Variants in KIF16B observed in about 807,000 individuals in gnomAD.
The protein encoded by KIF16B is kinesin-like protein KIF16B.
A neutral mutation model predicts 156.3 loss-of-function variants in KIF16B; 98 were observed. The observed-to-expected ratio is 0.63, with a 90% CI of 0.53 to 0.74. The LOEUF (loss-of-function observed/expected upper bound fraction) is 0.74, where lower values mean the gene tolerates loss of function less well. Among genes scored for constraint, KIF16B ranks in the 30% least tolerant of loss-of-function variants. The probability of loss-of-function intolerance (pLI) is 0.00; values close to 1 mark genes in which losing one functional copy is unlikely to be tolerated. For synonymous variants in KIF16B, 564 were observed against 583.7 expected, an observed-to-expected ratio of 0.97 and a Z score of 0.49; for missense variants, 1,421 against 1,606.5, an observed-to-expected ratio of 0.88 and a Z score of 1.97.
At chr20:16,372,522 T>C (rs1052701882) in intron 20 of KIF16B, among the ~76,000 whole-genome samples, 1 of 152,224 alleles carries the variant, frequency 6.6e-6, no homozygotes, top group Non-Finnish European at 1.5e-5. Flanking sequence ...TCAGTGGATT[T>C]TGGTCTAATC....
rs370418766 is a variant in KIF16B, at chr20:16,429,932, A to G, written c.1353T>C (p.Ser451=). Reference sequence around the variant, plus strand: ...CGATGCCAATCAAATGAGGCAGTTCAGAATCCAAAACAACTCCAATCCCTT... The same window carrying G: ...CGATGCCAATCAAATGAGGCAGTTCGGAATCCAAAACAACTCCAATCCCTT... ...RKEGIGVVLD[S]ELPHLIGIDD... is the part of the protein sequence containing the mutation. The change falls in exon 13 of 26, where the codon TCT becomes TCC. Residue 451 remains serine, a synonymous_variant. Transcript: ENST00000354981. 1 of 1,613,042 alleles carries G rather than the reference A, an allele frequency of 6.2e-7. No homozygotes were observed. Among genetic ancestry groups the G allele is most frequent in the Non-Finnish European group, 8.5e-7 (1 of 1,179,410 alleles).
At chr20:16,568,457 CA>C (rs1429120375) in intron 1 of KIF16B, among the ~76,000 whole-genome samples, 1 of 152,114 alleles carries the variant, frequency 6.6e-6, no homozygotes, top group Non-Finnish European at 1.5e-5. Context: ...TGCTGAATGC[CA>C]GGCTCTGTGT....
At chr20:16,468,152 T>C (rs949885125) in intron 12 of KIF16B, among the ~76,000 whole-genome samples, 1 of 152,064 alleles carries the variant, frequency 6.6e-6, no homozygotes, top group African/African-American at 2.4e-5. Context: ...TAAAAACAAA[T>C]TATGACTGAA....
chr20:16,562,732 A>C (rs1466910136), intron 1 of KIF16B, among the ~76,000 whole-genome samples: 2 of 152,352 alleles, frequency 1.3e-5, no homozygotes, highest in South Asian at 4.1e-4. Flanking sequence ...ATTCACACAT[A>C]CACACACGTA....
At chr20:16,340,929 T>A (rs1049084195) in intron 23 of KIF16B, among the ~76,000 whole-genome samples, 1 of 152,142 alleles carries the variant, frequency 6.6e-6, no homozygotes, top group African/African-American at 2.4e-5. Flanking sequence ...GGGCACAAGA[T>A]GACAAGACAG....
chr20:16,354,744 G>A (rs1045092912), intron 23 of KIF16B, among the ~76,000 whole-genome samples: 1 of 152,168 alleles, frequency 6.6e-6, no homozygotes, highest in African/African-American at 2.4e-5. Flanking sequence ...AGGAGGTGGA[G>A]ACCATCCTGG....
intron 24 of KIF16B, among the ~76,000 whole-genome samples, chr20:16,313,188 G>A (rs1216666871): frequency 1.3e-5 from 2 of 152,184 alleles, no homozygotes; most frequent in African/African-American, 4.8e-5. Context: ...AGCAATAATT[G>A]CTGCAGTTGC....
At chr20:16,354,057 A>G (rs1246737621) in intron 23 of KIF16B, among the ~76,000 whole-genome samples, 1 of 152,238 alleles carries the variant, frequency 6.6e-6, no homozygotes, top group African/African-American at 2.4e-5. Context: ...CCTAGATTCC[A>G]TAAGGCCTCA....
intron 12 of KIF16B, among the ~76,000 whole-genome samples, chr20:16,489,925 C>T (rs6044020): frequency 2.0e-5 from 3 of 151,936 alleles, no homozygotes; most frequent in African/African-American, 7.2e-5. Flanking sequence ...ATATTCCCTC[C>T]GAGAATAAAA....
chr20:16,473,960 G>A (rs980177508), intron 12 of KIF16B, among the ~76,000 whole-genome samples: 2 of 152,160 alleles, frequency 1.3e-5, no homozygotes, highest in Non-Finnish European at 2.9e-5. Flanking sequence ...ATTAAGCTCT[G>A]ACATGATCTA....
intron 22 of KIF16B, among the ~76,000 whole-genome samples, chr20:16,364,870 G>T (rs1011418668): frequency 6.6e-6 from 1 of 152,108 alleles, no homozygotes; most frequent in Non-Finnish European, 1.5e-5. Flanking sequence ...ATTTTTATAC[G>T]ATGCTCGTAT....
chr20:16,463,426 C>A (rs1225516397), intron 12 of KIF16B, among the ~76,000 whole-genome samples: 1 of 152,098 alleles, frequency 6.6e-6, no homozygotes, highest in Non-Finnish European at 1.5e-5. Flanking sequence ...ACAGAAATGG[C>A]ATAAAAATAA....
intron 12 of KIF16B, among the ~76,000 whole-genome samples, chr20:16,446,641 A>T (rs111339848): frequency 0.067 from 10,253 of 152,212 alleles, 432 homozygotes; most frequent in African/African-American, 0.11. Flanking sequence ...TTAATTCAAA[A>T]ATATATATAT....
At chr20:16,314,412 A>C (rs763930806) in intron 24 of KIF16B, among the ~76,000 whole-genome samples, 5 of 152,220 alleles carry the variant, frequency 3.3e-5, no homozygotes, top group Non-Finnish European at 7.3e-5. Context: ...TTTCTACCAA[A>C]GCAGAGAAAC....
chr20:16,344,850 C>T (rs540649353), intron 23 of KIF16B, among the ~76,000 whole-genome samples: 5 of 152,320 alleles, frequency 3.3e-5, no homozygotes, highest in African/African-American at 1.2e-4. Flanking sequence ...CTAAGATCAA[C>T]TCCCTGAGTA....
chr20:16,399,266 T>C (rs1170645723), intron 17 of KIF16B, among the ~76,000 whole-genome samples: 2 of 152,132 alleles, frequency 1.3e-5, no homozygotes, highest in Non-Finnish European at 2.9e-5. Context: ...ATGCAATGCA[T>C]TGGGAGCACA....
At chr20:16,353,573 C>A (rs1363012678) in intron 23 of KIF16B, among the ~76,000 whole-genome samples, 1 of 151,772 alleles carries the variant, frequency 6.6e-6, no homozygotes, top group East Asian at 1.9e-4. Flanking sequence ...TCATACCAAC[C>A]CAATGAGGGG....
intron 24 of KIF16B, among the ~76,000 whole-genome samples, chr20:16,333,016 A>G (rs2063975076): frequency 6.6e-6 from 1 of 152,202 alleles, no homozygotes; most frequent in South Asian, 2.1e-4. Context: ...CCACTTTGTT[A>G]CCAGGCTTAA....
In KIF16B at chr20:16,419,323, T is replaced by C. The variant is rs531106325; in HGVS notation, c.1612+7781A>G. Among the ~76,000 whole-genome samples, 4 of 152,280 alleles carry C rather than the reference T, an allele frequency of 2.6e-5. No individual in the cohort carries two copies. The East Asian group carries it at 5.8e-4, about 22-fold the overall frequency. Reference sequence around the variant, plus strand: ...GAGTCAGTGAAGGAACAGACACTGATACCTGCTGACACATAAAAGGCCTCC... The same window carrying C: ...GAGTCAGTGAAGGAACAGACACTGACACCTGCTGACACATAAAAGGCCTCC... On this transcript the variant is annotated intron_variant, in intron 15 of 25. Transcript: ENST00000354981.
Sources: allele counts gnomAD v4.1 joint callset (sites outside exome capture counted in the v4.1 genomes callset), GRCh38; gene constraint gnomAD v4.1.1; transcripts MANE v1.5; gene names NCBI Gene and HGNC (gene_info 2026-07-23, HGNC 2026-07-21).